The following ANKHD1 variants were observed in gnomAD, a reference collection of about 807,000 sequenced individuals.
ANKHD1 encodes ankyrin repeat and KH domain containing 1.
Under a neutral mutation model 230.5 loss-of-function variants are expected in ANKHD1, and 31 were observed. The ratio of observed to expected loss-of-function variants is 0.13; its 90% CI spans 0.10 to 0.18. ANKHD1 has a LOEUF of 0.18. Ranked by LOEUF, ANKHD1 falls within the 10% of genes least tolerant of loss-of-function variation. The pLI is 1.00. For synonymous variants in ANKHD1, 1,074 were observed against 1,117.6 expected, an observed-to-expected ratio of 0.96 and a Z score of 0.78; for missense variants, 2,256 against 3,071.3, an observed-to-expected ratio of 0.73 and a Z score of 6.27.
At position 140,436,096 on chromosome 5, in the gene ANKHD1, A is replaced by C. The variant is rs767391436; in HGVS notation, c.307-8A>C. 1 of 1,540,618 alleles carries C rather than the reference A, an allele frequency of 6.5e-7. No homozygotes were observed. The highest frequency in any genetic ancestry group is 1.4e-5 in the African/African-American group (1 of 71,420). On this transcript the variant is annotated splice_region_variant and splice_polypyrimidine_tract_variant and intron_variant, in intron 1 of 33. Transcript: ENST00000360839. ...TTCATGGATATTGCATCTTTATTTC[A>C]TTAACAGGTTGAATCATTTATTTTG... is the stretch of plus-strand genomic sequence containing the variant.
At chr5:140,516,894 T>TA (rs1753039452) in intron 24 of ANKHD1, among the ~76,000 whole-genome samples, 1 of 151,200 alleles carries the variant, frequency 6.6e-6, no homozygotes, top group South Asian at 2.1e-4. Context: ...ACGAGCAAAA[T>TA]AAACAGCTAA....
chr5:140,457,108 C>T (rs1279751779), intron 7 of ANKHD1, among the ~76,000 whole-genome samples: 5 of 152,312 alleles, frequency 3.3e-5, no homozygotes, highest in African/African-American at 9.6e-5. Flanking sequence ...AAAAAATGCT[C>T]CTCATCACTG....
chr5:140,525,828 TC>T (rs1037338211), intron 25 of ANKHD1, among the ~76,000 whole-genome samples, 167 bp from the exon 26 acceptor site: 12 of 146,226 alleles, frequency 8.2e-5, no homozygotes, highest in Non-Finnish European at 1.2e-4. Flanking sequence ...AGAGCAAGAC[TC>T]CATCTAAAAA....
chr5:140,491,907 G>C (rs189983830), intron 14 of ANKHD1, among the ~76,000 whole-genome samples: 1 of 152,158 alleles, frequency 6.6e-6, no homozygotes. Flanking sequence ...TTTGAAGGCA[G>C]AAGAAAATTC....
At chr5:140,426,380 C>G (rs1251870301) in intron 1 of ANKHD1, among the ~76,000 whole-genome samples, 1 of 152,192 alleles carries the variant, frequency 6.6e-6, no homozygotes, top group Non-Finnish European at 1.5e-5. Flanking sequence ...CTGCCTGCCT[C>G]AGCCTTCCAA....
rs371805141 is a variant in ANKHD1 at position 140,527,850 on chromosome 5, C to T, written c.5088-23C>T. The T allele has an allele frequency of 2.5e-6, 4 of 1,604,342 alleles. No individual in the cohort carries two copies. Among genetic ancestry groups the T allele is most frequent in the Admixed American group, 1.7e-5 (1 of 58,344 alleles). ...AAAGAGACATTTAATTTCATAAGCT[C>T]ATGTGTATTCTTCATTTTATAGGTC... On this transcript the variant is annotated intron_variant, in intron 27 of 33. Coordinates refer to ENST00000360839, the MANE Select transcript of ANKHD1 (RefSeq NM_017747.3). This position sits in a 1 kb window ranked among gnomAD's most constrained non-coding sequence, Gnocchi z 4.5.
At chr5:140,470,928 G>A (rs969155926) in intron 10 of ANKHD1, among the ~76,000 whole-genome samples, 2 of 151,986 alleles carry the variant, frequency 1.3e-5, no homozygotes, top group African/African-American at 2.4e-5. Context: ...TGACTGGCCT[G>A]TTTCTACTTC....
intron 1 of ANKHD1, among the ~76,000 whole-genome samples, chr5:140,413,748 AT>A (rs914617757): frequency 2.0e-5 from 3 of 151,434 alleles, no homozygotes; most frequent in African/African-American, 7.3e-5. Flanking sequence ...CACTCCCTAT[AT>A]TTTATTTATC....
In ANKHD1 at chr5:140,524,089, G is replaced by A; in HGVS notation, c.4341G>A (p.Gln1447=). 1 of 1,587,570 alleles carries A rather than the reference G, an allele frequency of 6.3e-7. No individual in the cohort carries two copies. Among genetic ancestry groups the A allele is most frequent in the Non-Finnish European group, 8.5e-7 (1 of 1,173,610 alleles). Reference sequence around the variant, plus strand: ...AGTCAAGAGAAGAGAGCAGAAAGCAGGCTCTTGCTGCTAAAAGAGAAAAAA... The same window carrying A: ...AGTCAAGAGAAGAGAGCAGAAAGCAAGCTCTTGCTGCTAAAAGAGAAAAAA... ...LEKSREESRK[Q]ALAAKREKRK... Residue 1447 remains glutamine (Q), a synonymous_variant, in exon 25 of 34, where the codon CAG becomes CAA. Transcript: ENST00000360839.
chr5:140,505,557 G>T (rs1189433391), intron 17 of ANKHD1, among the ~76,000 whole-genome samples, 167 bp from the exon 18 acceptor site: 1 of 152,080 alleles, frequency 6.6e-6, no homozygotes, highest in African/African-American at 2.4e-5. Context: ...GTGTTTATGG[G>T]TTTTTTGTCA....
intron 1 of ANKHD1, among the ~76,000 whole-genome samples, chr5:140,412,245 C>T (rs1341315275): frequency 6.6e-6 from 1 of 152,062 alleles, no homozygotes; most frequent in Admixed American, 6.6e-5. Context: ...ACCATGTTGA[C>T]CACGCTGGTC....
intron 9 of ANKHD1, 31 bp downstream of exon 9, chr5:140,459,386 G>A: frequency 6.6e-7 from 1 of 1,514,338 alleles, no homozygotes; most frequent in Non-Finnish European, 8.9e-7. Flanking sequence ...TTATTGCTCA[G>A]AAAGACAAAT....
At chr5:140,505,287 A>G in intron 17 of ANKHD1, 54 bp downstream of exon 17, 1 of 1,574,460 alleles carries the variant, frequency 6.4e-7, no homozygotes, top group South Asian at 1.1e-5. Context: ...AAAATAATTA[A>G]CTTTTTTATT....
intron 1 of ANKHD1, among the ~76,000 whole-genome samples, chr5:140,411,744 G>A (rs1770942905): frequency 6.6e-6 from 1 of 151,228 alleles, no homozygotes; most frequent in Admixed American, 6.6e-5. Context: ...GGCTGGTCTC[G>A]AACTCCTGAC....
chr5:140,467,970 C>T (rs1776211412), intron 10 of ANKHD1, among the ~76,000 whole-genome samples: 1 of 151,300 alleles, frequency 6.6e-6, no homozygotes, highest in South Asian at 2.1e-4. Context: ...ACTGTCCATC[C>T]CCCATTGCAT....
At chr5:140,504,245 T>TG (rs1752447476) in intron 15 of ANKHD1, among the ~76,000 whole-genome samples, 1 of 152,260 alleles carries the variant, frequency 6.6e-6, no homozygotes, top group African/African-American at 2.4e-5. Context: ...AGAGATGGGG[T>TG]TTCACCATGT....
intron 1 of ANKHD1, among the ~76,000 whole-genome samples, chr5:140,427,742 C>T (rs1421484905): frequency 6.8e-6 from 1 of 147,996 alleles, no homozygotes; most frequent in Non-Finnish European, 1.5e-5. Flanking sequence ...CGCCCCTCAC[C>T]TCCCGGACAG....
rs1183832806 is a variant in ANKHD1, at chr5:140,515,944, G to A, written c.4317+2465G>A. ...ACCAGCAACGGAACAAAGCTGGACG[G>A]AGAATGACTTTGACGAGCTGAGAGA... is the stretch of plus-strand genomic sequence containing the variant. On this transcript the variant is annotated intron_variant, in intron 24 of 33. Coordinates refer to ENST00000360839, the MANE Select transcript of ANKHD1 (RefSeq NM_017747.3). Among the ~76,000 whole-genome samples the A allele has an allele frequency of 2.6e-5, 4 of 152,238 alleles. No individual in the cohort carries two copies. In the East Asian group the frequency reaches 7.7e-4, roughly 29 times the overall value.
intron 5 of ANKHD1, among the ~76,000 whole-genome samples, chr5:140,442,443 C>T (rs1000805270): frequency 9.9e-5 from 15 of 151,938 alleles, no homozygotes; most frequent in Admixed American, 6.6e-4. Flanking sequence ...GGGATGTTTT[C>T]GGGATGAAAC....
Sources: allele counts gnomAD v4.1 joint callset (sites outside exome capture counted in the v4.1 genomes callset), GRCh38; gene constraint gnomAD v4.1.1; non-coding constraint Gnocchi (gnomAD v3.1); transcripts MANE v1.5; gene names NCBI Gene and HGNC (gene_info 2026-07-23, HGNC 2026-07-21).